SORCS1: variants seen among roughly 807,000 people sequenced by gnomAD.
SORCS1 encodes the protein sortilin related VPS10 domain containing receptor 1.
A neutral mutation model predicts 146.1 loss-of-function variants in SORCS1; 60 were observed. That is an observed-to-expected ratio of 0.41 (90% CI 0.33 to 0.51). The LOEUF is 0.51. Ranked by LOEUF, SORCS1 falls within the 20% of genes least tolerant of loss-of-function variation. SORCS1 has a pLI of 0.21. For missense variants in SORCS1, 1,352 were observed against 1,487.6 expected, an observed-to-expected ratio of 0.91 and a Z score of 1.50; for synonymous variants, 637 against 584.0, an observed-to-expected ratio of 1.09 and a Z score of -1.31.
Position 106,745,390 on chromosome 10 carries a change from G to A in SORCS1, c.960-15276C>T, listed in dbSNP as rs184304681. 8.7e-5 allele frequency among the ~76,000 whole-genome samples: 13 copies of A among 149,574 alleles called. No homozygotes were observed. In the East Asian group the frequency reaches 1.2e-3, roughly 14 times the overall value. On this transcript the variant is annotated intron_variant, in intron 5 of 25. Coordinates refer to ENST00000263054, the MANE Select transcript of SORCS1 (RefSeq NM_052918.5). ...TGTGCCACCACACTCCAGCCTGGGC[G>A]ACAGAGTGAGACAACGTCTAAAAAA... is the stretch of plus-strand genomic sequence containing the variant.
chr10:106,783,641 T>C (rs1589867786), intron 3 of SORCS1, among the ~76,000 whole-genome samples: 1 of 152,206 alleles, frequency 6.6e-6, no homozygotes, highest in Admixed American at 6.5e-5. Flanking sequence ...AAGACGACAC[T>C]ATATTCTTGA....
At chr10:107,040,959 T>G (rs1959128967) in intron 1 of SORCS1, among the ~76,000 whole-genome samples, 1 of 152,174 alleles carries the variant, frequency 6.6e-6, no homozygotes, top group African/African-American at 2.4e-5. Flanking sequence ...ATATAATACT[T>G]GTTTGCTATA....
intron 1 of SORCS1, among the ~76,000 whole-genome samples, chr10:107,141,215 G>T (rs1202056380): frequency 6.6e-6 from 1 of 152,164 alleles, no homozygotes; most frequent in Non-Finnish European, 1.5e-5. Context: ...CTCAAGTAGA[G>T]TTCATAAGAT....
At chr10:107,177,242 T>G in the SORCS1 span, among the ~76,000 whole-genome samples, 2 of 152,332 alleles carry the variant, frequency 1.3e-5, no homozygotes, top group East Asian at 3.9e-4. Flanking sequence ...TGTTTCTTTC[T>G]GCCTGTCATT....
intron 10 of SORCS1, 24 bp from the exon 11 acceptor site, chr10:106,679,758 C>T (rs1852298427): frequency 6.5e-7 from 1 of 1,532,030 alleles, no homozygotes; most frequent in Non-Finnish European, 9.0e-7. Context: ...TAATAAGTGC[C>T]ACAAAATCAC....
intron 14 of SORCS1, among the ~76,000 whole-genome samples, chr10:106,673,540 C>A (rs1044173410): frequency 6.6e-6 from 1 of 152,166 alleles, no homozygotes; most frequent in East Asian, 1.9e-4. Context: ...CAGAACCAGA[C>A]CCAGAGTATT....
intron 18 of SORCS1, among the ~76,000 whole-genome samples, chr10:106,645,993 G>A (rs980813279): frequency 3.3e-5 from 5 of 152,108 alleles, no homozygotes; most frequent in African/African-American, 1.2e-4. Flanking sequence ...GCTGGGCGTG[G>A]TAGCTCACGC....
At chr10:106,606,339 G>T (rs1245009652) in intron 23 of SORCS1, among the ~76,000 whole-genome samples, 4 of 149,856 alleles carry the variant, frequency 2.7e-5, no homozygotes. Context: ...GCTCCAGAAG[G>T]TAGTGGAGAT....
chr10:106,679,497 A>G, intron 11 of SORCS1, 135 bp downstream of exon 11: 1 of 1,005,850 alleles, frequency 9.9e-7, no homozygotes, highest in Non-Finnish European at 1.5e-6. Flanking sequence ...GTGCCTTTCA[A>G]AATTATTTTT....
chr10:106,997,226 C>CCAGATA (rs1369689072), intron 1 of SORCS1, among the ~76,000 whole-genome samples: 1 of 152,148 alleles, frequency 6.6e-6, no homozygotes, highest in East Asian at 1.9e-4. Context: ...GTCTGGCCCA[C>CCAGATA]AGTGGGTGTC....
intron 12 of SORCS1, among the ~76,000 whole-genome samples, chr10:106,677,905 T>A (rs1308387601): frequency 6.6e-6 from 1 of 152,216 alleles, no homozygotes; most frequent in African/African-American, 2.4e-5. Flanking sequence ...TCTTATTATT[T>A]TGAAGTTTCC....
At chr10:106,579,730 C>T (rs1400805029) in intron 24 of SORCS1, among the ~76,000 whole-genome samples, 2 of 152,058 alleles carry the variant, frequency 1.3e-5, no homozygotes, top group African/African-American at 2.4e-5. Flanking sequence ...ATTCAGGTCC[C>T]ACTCTAACTA....
intron 19 of SORCS1, among the ~76,000 whole-genome samples, chr10:106,627,430 T>C (rs1848177374): frequency 6.6e-6 from 1 of 152,214 alleles, no homozygotes; most frequent in African/African-American, 2.4e-5. Context: ...GATAATAATA[T>C]GGTCTAGGTA....
chr10:107,111,257 G>A (rs191555948), intron 1 of SORCS1, among the ~76,000 whole-genome samples: 1 of 151,898 alleles, frequency 6.6e-6, no homozygotes, highest in African/African-American at 2.4e-5. Flanking sequence ...CCTTAAAAAA[G>A]AATAAAAAAT....
At chr10:106,598,557 G>A (rs1479302659) in intron 23 of SORCS1, among the ~76,000 whole-genome samples, 2 of 151,896 alleles carry the variant, frequency 1.3e-5, no homozygotes, top group African/African-American at 2.4e-5. Flanking sequence ...ACTGCGCCCG[G>A]CCCACTCCTA....
At chr10:106,618,768 G>A (rs1847546295) in intron 20 of SORCS1, among the ~76,000 whole-genome samples, 2 of 152,136 alleles carry the variant, frequency 1.3e-5, no homozygotes, top group Non-Finnish European at 2.9e-5. Flanking sequence ...CCATACACTA[G>A]TTAAACAGCA....
intron 1 of SORCS1, among the ~76,000 whole-genome samples, chr10:107,139,425 C>A (rs1199654724): frequency 6.6e-6 from 1 of 152,146 alleles, no homozygotes; most frequent in African/African-American, 2.4e-5. Flanking sequence ...AAGACACTGC[C>A]ACCTAGACCC....
At chr10:107,085,874 G>A (rs1963719987) in intron 1 of SORCS1, among the ~76,000 whole-genome samples, 1 of 152,134 alleles carries the variant, frequency 6.6e-6, no homozygotes, top group Non-Finnish European at 1.5e-5. Flanking sequence ...GCTCTACATT[G>A]TACAATCACT....
chr10:107,172,538 T>G, the SORCS1 span, among the ~76,000 whole-genome samples: 1 of 152,252 alleles, frequency 6.6e-6, no homozygotes, highest in Admixed American at 6.5e-5. Flanking sequence ...AATTCTCATC[T>G]TCTAAGTTAG....
Sources: allele counts gnomAD v4.1 joint callset (sites outside exome capture counted in the v4.1 genomes callset), GRCh38; gene constraint gnomAD v4.1.1; transcripts MANE v1.5; gene names NCBI Gene and HGNC (gene_info 2026-07-23, HGNC 2026-07-21).